NTAQ1: variants seen among roughly 807,000 people sequenced by gnomAD.
NTAQ1 encodes the protein N-terminal glutamine amidase 1.
NTAQ1 carries 21 observed loss-of-function variants against 28.2 expected under a neutral mutation model. That is an observed-to-expected ratio of 0.74 (90% CI 0.53 to 1.07). The LOEUF (loss-of-function observed/expected upper bound fraction) is 1.07, where lower values mean the gene tolerates loss of function less well. Among genes scored for constraint, NTAQ1 ranks in the 50% least tolerant of loss-of-function variants. The probability of loss-of-function intolerance (pLI) is 0.00; values close to 1 mark genes in which losing one functional copy is unlikely to be tolerated. For synonymous variants in NTAQ1, 105 were observed against 90.0 expected, an observed-to-expected ratio of 1.17 and a Z score of -0.94; for missense variants, 264 against 256.6, an observed-to-expected ratio of 1.03 and a Z score of -0.20.
At chr8:123,449,760 A>G (rs1002494304), downstream of NTAQ1, among the ~76,000 whole-genome samples, 1 of 149,848 alleles carries the variant, frequency 6.7e-6, no homozygotes, top group East Asian at 2.0e-4. Context: ...GTCAAATAGG[A>G]GTTGGTAGCC....
At chr8:123,445,211 C>G (rs1815228553), downstream of NTAQ1, among the ~76,000 whole-genome samples, 1 of 151,960 alleles carries the variant, frequency 6.6e-6, no homozygotes, top group Non-Finnish European at 1.5e-5. Context: ...TTGTATCCTT[C>G]TTTCCAGGAA....
At chr8:123,417,465 A>G (rs1436552963) in intron 1 of NTAQ1, among the ~76,000 whole-genome samples, 1 of 152,190 alleles carries the variant, frequency 6.6e-6, no homozygotes, top group Non-Finnish European at 1.5e-5. Context: ...ACTGAAGCAC[A>G]GAGGGCTGCA....
chr8:123,441,743 A>G lies in NTAQ1; in HGVS notation c.*328A>G, dbSNP rs1815080258. On this transcript the variant is annotated 3_prime_UTR_variant, in exon 6 of 6. Coordinates refer to ENST00000287387, the MANE Select transcript of NTAQ1 (RefSeq NM_018024.3). ...AGCCAGCCCCTCATGTCTGTTTTGG[A>G]TGTTTTGTGTCTCTCCAGCTACATT... 3 of 249,050 alleles carry G rather than the reference A, an allele frequency of 1.2e-5. No individual in the cohort carries two copies. The highest frequency in any genetic ancestry group is 2.4e-5 in the Non-Finnish European group (3 of 127,174). 15.4% of individuals were successfully genotyped at this position (249,050 alleles called of 1,614,324 possible).
At chr8:123,430,756 G>T (rs1814346929) in intron 3 of NTAQ1, among the ~76,000 whole-genome samples, 1 of 152,176 alleles carries the variant, frequency 6.6e-6, no homozygotes, top group Admixed American at 6.6e-5. Context: ...ACTCCAGCTT[G>T]GGTGACAGAG....
At chr8:123,437,702 C>CAAAAAAA (rs67334148) in intron 5 of NTAQ1, among the ~76,000 whole-genome samples, 1 of 137,160 alleles carries the variant, frequency 7.3e-6, no homozygotes. Flanking sequence ...GACTCCATCT[C>CAAAAAAA]AAAAAAAAAA....
intron 6 of NTAQ1, among the ~76,000 whole-genome samples, chr8:123,460,853 A>G (rs879620820): frequency 1.6e-4 from 25 of 152,196 alleles, no homozygotes; most frequent in Non-Finnish European, 3.2e-4. Context: ...TTGCAAAGGA[A>G]GCAAGGAGAG....
At chr8:123,439,791 A>G (rs1434012304) in intron 5 of NTAQ1, among the ~76,000 whole-genome samples, 1 of 151,312 alleles carries the variant, frequency 6.6e-6, no homozygotes, top group African/African-American at 2.4e-5. Flanking sequence ...TGCCTGGCCC[A>G]TATTAACCAA....
chr8:123,456,898 C>T (rs1444863756), intron 6 of NTAQ1, among the ~76,000 whole-genome samples: 2 of 152,134 alleles, frequency 1.3e-5, no homozygotes, highest in East Asian at 1.9e-4. Flanking sequence ...CAGATATATA[C>T]TGCACGCATA....
chr8:123,453,099 C>T (rs1049167546), intron 6 of NTAQ1, among the ~76,000 whole-genome samples: 2 of 152,294 alleles, frequency 1.3e-5, no homozygotes, highest in Non-Finnish European at 2.9e-5. Context: ...TTCTGGCACA[C>T]GCTGTTTCTG....
chr8:123,437,102 G>A, intron 4 of NTAQ1, 108 bp from the exon 5 acceptor site: 6 of 1,419,196 alleles, frequency 4.2e-6, no homozygotes, highest in Middle Eastern at 2.5e-4. Flanking sequence ...ATACAGAAAT[G>A]CATGAGTAGT....
At chr8:123,443,316 G>A (rs1004136944), downstream of NTAQ1, among the ~76,000 whole-genome samples, 11 of 152,272 alleles carry the variant, frequency 7.2e-5, no homozygotes, top group South Asian at 2.1e-3. Context: ...CACCGCACCC[G>A]GCCAAATTTG....
downstream of NTAQ1, among the ~76,000 whole-genome samples, chr8:123,452,033 C>T (rs961742359): frequency 6.6e-6 from 1 of 152,220 alleles, no homozygotes; most frequent in Non-Finnish European, 1.5e-5. Flanking sequence ...GAGCAAAGAA[C>T]ACCATGGATT....
At chr8:123,438,185 C>T (rs2130308674) in intron 5 of NTAQ1, 1 of 702,182 alleles carries the variant, frequency 1.4e-6, no homozygotes, top group South Asian at 1.5e-5. Flanking sequence ...AAGGGTCCTT[C>T]ACCCTATTAC....
chr8:123,465,841 C>T (rs1815949301), intron 6 of NTAQ1, among the ~76,000 whole-genome samples: 1 of 152,068 alleles, frequency 6.6e-6, no homozygotes, highest in Admixed American at 6.6e-5. Context: ...CCTCGGCCTC[C>T]CAAAGTGTTG....
chr8:123,416,979 G>T, intron 1 of NTAQ1, 47 bp downstream of exon 1: 1 of 1,394,892 alleles, frequency 7.2e-7, no homozygotes, highest in East Asian at 3.0e-5. Flanking sequence ...GCTCCCGGGC[G>T]GCGAGTCGCA....
At chr8:123,433,562 C>T (rs998075729) in intron 3 of NTAQ1, among the ~76,000 whole-genome samples, 5 of 152,148 alleles carry the variant, frequency 3.3e-5, no homozygotes, top group African/African-American at 1.2e-4. Context: ...ATTCTCGTGC[C>T]TCAGCCTCCT....
intron 1 of NTAQ1, 68 bp downstream of exon 1, chr8:123,417,000 G>T: frequency 7.3e-7 from 1 of 1,360,932 alleles, no homozygotes; most frequent in East Asian, 3.1e-5. Flanking sequence ...ACCGGGCCCC[G>T]CCTCTTCCCG....
intron 3 of NTAQ1, 63 bp downstream of exon 3, chr8:123,430,096 T>C: frequency 7.3e-7 from 1 of 1,377,146 alleles, no homozygotes; most frequent in Non-Finnish European, 1.0e-6. Context: ...GTGTTCTGTA[T>C]GTTTTGGTAA....
Position 123,429,752 on chromosome 8 carries a change from C to T in NTAQ1, c.184-231C>T, listed in dbSNP as rs564169664. Among the ~76,000 whole-genome samples, 8 of 152,026 alleles carry T rather than the reference C, an allele frequency of 5.3e-5. No individual in the cohort carries two copies. In the East Asian group the frequency reaches 1.2e-3, roughly 22 times the overall value. Reference sequence around the variant, plus strand: ...AAAATTAGCTGGGTGTGGTGGCACACGCCTGTAATCCCAGCTACTTGGGAA... The same window carrying T: ...AAAATTAGCTGGGTGTGGTGGCACATGCCTGTAATCCCAGCTACTTGGGAA... On this transcript the variant is annotated intron_variant, in intron 2 of 5. Coordinates refer to ENST00000287387, the MANE Select transcript of NTAQ1 (RefSeq NM_018024.3).
Sources: allele counts gnomAD v4.1 joint callset (sites outside exome capture counted in the v4.1 genomes callset), GRCh38; gene constraint gnomAD v4.1.1; transcripts MANE v1.5; gene names NCBI Gene and HGNC (gene_info 2026-07-23, HGNC 2026-07-21).